The following RTN1 variants were observed in gnomAD, a reference collection of about 807,000 sequenced individuals.
RTN1 encodes the protein reticulon-1.
A neutral mutation model predicts 65.5 loss-of-function variants in RTN1; 25 were observed. The observed-to-expected ratio is 0.38, with a 90% CI of 0.28 to 0.53. The LOEUF (loss-of-function observed/expected upper bound fraction) is 0.53. Ranked by LOEUF, RTN1 falls within the 20% of genes least tolerant of loss-of-function variation. The pLI, the probability that RTN1 is intolerant of heterozygous loss-of-function variation, is 0.79. For synonymous variants in RTN1, 471 were observed against 447.6 expected (o/e 1.05, Z -0.66); for missense variants, 983 against 1,025.4 (o/e 0.96, Z 0.57).
chr14:59,821,020 G>C (rs1886934862), intron 1 of RTN1, among the ~76,000 whole-genome samples: 1 of 152,092 alleles, frequency 6.6e-6, no homozygotes, highest in Non-Finnish European at 1.5e-5. Flanking sequence ...GTGAATTTCA[G>C]AACAGTTTTT....
chr14:59,762,031 T>C (rs1426339938), intron 1 of RTN1, among the ~76,000 whole-genome samples: 1 of 152,156 alleles, frequency 6.6e-6, no homozygotes, highest in Non-Finnish European at 1.5e-5. Context: ...TGGTATGGCA[T>C]GCCGTGGTGT....
At chr14:59,696,188 C>T (rs1884059540) in intron 3 of RTN1, among the ~76,000 whole-genome samples, 1 of 152,154 alleles carries the variant, frequency 6.6e-6, no homozygotes, top group African/African-American at 2.4e-5. Flanking sequence ...TGCCTGGCAG[C>T]AGACAAGGTC....
At position 59,596,613 on chromosome 14, in the gene RTN1, T is replaced by C; in HGVS notation, c.*132A>G. ...AGGAACAGCCTAAAAACAGCTGTTTTAAGGTTTGTCTCTAAGATTATGGTA... is the reference window on the plus strand; with the variant it reads ...AGGAACAGCCTAAAAACAGCTGTTTCAAGGTTTGTCTCTAAGATTATGGTA... On this transcript the variant is annotated 3_prime_UTR_variant, in exon 9 of 9. Coordinates refer to ENST00000267484, the MANE Select transcript of RTN1 (RefSeq NM_021136.3). 2.7e-6 allele frequency: 2 copies of C among 744,198 alleles called. No individual in the cohort carries two copies. Among genetic ancestry groups the C allele is most frequent in the African/African-American group, 3.5e-5 (2 of 57,666 alleles). The allele number at this position is 744,198 out of a possible 1,614,324, so 46.1% of individuals were successfully genotyped here.
rs1190094923 is a variant in RTN1 at position 59,831,323 on chromosome 14, A to AG, written c.241+39066dup. On this transcript the variant is annotated intron_variant, in intron 1 of 8. Coordinates refer to ENST00000267484, the MANE Select transcript of RTN1 (RefSeq NM_021136.3). Reference sequence around the variant, plus strand: ...TGGTGGGCCTCATTCAATCAGTTGAAGGCCTGAACAGAACAAAGAGGCTAA... The same window carrying AG: ...TGGTGGGCCTCATTCAATCAGTTGAAGGGCCTGAACAGAACAAAGAGGCTAA... 3.9e-5 allele frequency among the ~76,000 whole-genome samples: 6 copies of AG among 152,342 alleles called. 1 individual carries two copies. The East Asian group carries it at 9.6e-4, about 24-fold the overall frequency.
At chr14:59,630,595 C>A (rs1882523537) in intron 3 of RTN1, 1 of 1,590,122 alleles carries the variant, frequency 6.3e-7, no homozygotes, top group South Asian at 1.1e-5. Flanking sequence ...CGGCTGGGCT[C>A]GCAGTGGCCG....
At chr14:59,626,081 A>T (rs1882391841) in intron 3 of RTN1, among the ~76,000 whole-genome samples, 1 of 152,186 alleles carries the variant, frequency 6.6e-6, no homozygotes, top group Admixed American at 6.5e-5. Context: ...ATTTTCATAA[A>T]AGGTGATATT....
intron 2 of RTN1, among the ~76,000 whole-genome samples, chr14:59,743,160 C>T (rs11847592): frequency 0.37 from 56,153 of 152,030 alleles, 10,509 homozygotes; most frequent in Middle Eastern, 0.45. Flanking sequence ...AACCCAACAT[C>T]GTAAAACTCC....
chr14:59,621,638 A>G (rs1415246051), intron 3 of RTN1, among the ~76,000 whole-genome samples: 1 of 152,248 alleles, frequency 6.6e-6, no homozygotes, highest in Non-Finnish European at 1.5e-5. Flanking sequence ...CCAATCAATA[A>G]CAAAAGAAGA....
At chr14:59,664,160 C>T (rs575554245) in intron 3 of RTN1, among the ~76,000 whole-genome samples, 1 of 152,096 alleles carries the variant, frequency 6.6e-6, no homozygotes, top group African/African-American at 2.4e-5. Flanking sequence ...AGTTCATATC[C>T]TTTGCAGGGA....
chr14:59,652,653 C>CA (rs201840220), intron 3 of RTN1, among the ~76,000 whole-genome samples: 2,935 of 151,516 alleles, frequency 0.019, 97 homozygotes, highest in African/African-American at 0.067. Context: ...ACAAAGAGGG[C>CA]AAAAAAGACA....
intron 3 of RTN1, among the ~76,000 whole-genome samples, chr14:59,682,060 G>A (rs536650643): frequency 3.3e-5 from 5 of 152,314 alleles, no homozygotes; most frequent in Admixed American, 6.5e-5. Context: ...AGAAGATCCA[G>A]CATGTGCTTT....
intron 1 of RTN1, among the ~76,000 whole-genome samples, chr14:59,763,691 C>T (rs1191748133): frequency 6.6e-6 from 1 of 151,960 alleles, no homozygotes; most frequent in Non-Finnish European, 1.5e-5. Flanking sequence ...TCCCACGACG[C>T]CCGGCTAATT....
intron 3 of RTN1, among the ~76,000 whole-genome samples, chr14:59,659,272 C>T (rs992910279): frequency 6.6e-6 from 1 of 151,822 alleles, no homozygotes; most frequent in Non-Finnish European, 1.5e-5. Context: ...GATTGGTGTA[C>T]CTGAAAGTGA....
At chr14:59,734,539 T>A (rs902620804) in intron 2 of RTN1, among the ~76,000 whole-genome samples, 8 of 152,026 alleles carry the variant, frequency 5.3e-5, no homozygotes, top group African/African-American at 1.9e-4. Context: ...GACTGGAACA[T>A]AACCAACCAG....
At chr14:59,703,406 T>G (rs989609126) in intron 3 of RTN1, among the ~76,000 whole-genome samples, 16 of 151,962 alleles carry the variant, frequency 1.1e-4, no homozygotes, top group African/African-American at 2.4e-5. Flanking sequence ...TTTAAAAGAG[T>G]GTGGCACCTC....
intron 1 of RTN1, among the ~76,000 whole-genome samples, chr14:59,785,509 C>T (rs1886235269): frequency 6.6e-6 from 1 of 152,144 alleles, no homozygotes; most frequent in South Asian, 2.1e-4. Flanking sequence ...TGTTTCTTTC[C>T]CATCTGTTTG....
rs11355109 is a variant in RTN1, at chr14:59,766,227, CAA to C, written c.242-19748_242-19747del. Among the ~76,000 whole-genome samples the C allele has an allele frequency of 3.4e-5, 5 of 147,800 alleles. No homozygotes were observed. The highest frequency in any genetic ancestry group is 2.0e-4 in the East Asian group (1 of 4,968). On this transcript the variant is annotated intron_variant, in intron 1 of 8. Coordinates refer to ENST00000267484, the MANE Select transcript of RTN1 (RefSeq NM_021136.3). This position sits in a 1 kb window ranked among gnomAD's most constrained non-coding sequence, Gnocchi z 4.4. ...CCTGGGTGACAGAGTGAGACGCTGTCAAAAAAAAAAAATTCATTAACAATTAC... is the reference window on the plus strand; with the variant it reads ...CCTGGGTGACAGAGTGAGACGCTGTCAAAAAAAAAATTCATTAACAATTAC...
In RTN1 at chr14:59,816,413, A is replaced by G. The variant is rs1886822485; in HGVS notation, c.241+53977T>C. ...CAAGGCTAATTGCCTGCCTTCTCCAATCCTCGGAGAGCTCCTAGGAAACAA... is the reference window on the plus strand; with the variant it reads ...CAAGGCTAATTGCCTGCCTTCTCCAGTCCTCGGAGAGCTCCTAGGAAACAA... On this transcript the variant is annotated intron_variant, in intron 1 of 8. Transcript: ENST00000267484. This position sits in a 1 kb window ranked among gnomAD's most constrained non-coding sequence, Gnocchi z 4.3. 6.6e-6 allele frequency among the ~76,000 whole-genome samples: 1 copy of G among 152,182 alleles called. No homozygotes were observed. The highest frequency in any genetic ancestry group is 6.5e-5 in the Admixed American group (1 of 15,280).
chr14:59,613,987 T>C (rs1882034670), intron 3 of RTN1, among the ~76,000 whole-genome samples: 1 of 152,188 alleles, frequency 6.6e-6, no homozygotes, highest in South Asian at 2.1e-4. Flanking sequence ...GGATGGCTAA[T>C]AGTAGTTATG....
Sources: gnomAD v4.1 joint callset for allele counts (sites outside exome capture counted in the v4.1 genomes callset) on GRCh38, gnomAD v4.1.1 for gene constraint, Gnocchi (gnomAD v3.1) non-coding constraint, MANE v1.5 for transcripts, NCBI Gene and HGNC (gene_info 2026-07-23, HGNC 2026-07-21) for gene names.